Variants in PAX5 observed in about 807,000 individuals in gnomAD.
PAX5 encodes paired box 5.
In PAX5, 9 loss-of-function variants were observed where a neutral mutation model predicts 43.7. The observed-to-expected ratio is 0.21, with a 90% CI of 0.12 to 0.36. PAX5 has a LOEUF of 0.36. Among genes scored for constraint, PAX5 ranks in the 10% least tolerant of loss-of-function variants. PAX5 has a pLI of 1.00. For synonymous variants in PAX5, 228 were observed against 214.3 expected (o/e 1.06, Z -0.56); for missense variants, 383 against 532.7 (o/e 0.72, Z 2.77).
intron 5 of PAX5, among the ~76,000 whole-genome samples, chr9:36,987,768 A>G (rs59189744): frequency 0.021 from 3,146 of 152,314 alleles, 97 homozygotes; most frequent in African/African-American, 0.07. Flanking sequence ...TTGCTGGAGG[A>G]ACCATAAATT....
At chr9:36,982,272 T>TA (rs1408119214) in intron 5 of PAX5, among the ~76,000 whole-genome samples, 1 of 151,240 alleles carries the variant, frequency 6.6e-6, no homozygotes, top group Non-Finnish European at 1.5e-5. Flanking sequence ...TCAAAAAAAA[T>TA]AAAAAAATAA....
intron 7 of PAX5, among the ~76,000 whole-genome samples, chr9:36,895,750 TG>T (rs1192244215): frequency 6.6e-6 from 1 of 152,154 alleles, no homozygotes. Flanking sequence ...TGTGACAGGT[TG>T]GGGGTTTCTA....
intron 7 of PAX5, among the ~76,000 whole-genome samples, chr9:36,893,199 C>A (rs1353351169): frequency 6.6e-6 from 1 of 152,180 alleles, no homozygotes; most frequent in Non-Finnish European, 1.5e-5. Flanking sequence ...AATAATGAAC[C>A]AAGATGTATG....
chr9:36,998,248 C>T (rs1372049784), intron 5 of PAX5, among the ~76,000 whole-genome samples: 5 of 152,176 alleles, frequency 3.3e-5, no homozygotes, highest in African/African-American at 4.8e-5. Flanking sequence ...GCCATATACC[C>T]GAGTCTGGTC....
chr9:36,934,086 C>T (rs1563983657), intron 6 of PAX5, among the ~76,000 whole-genome samples: 1 of 152,224 alleles, frequency 6.6e-6, no homozygotes, highest in South Asian at 2.1e-4. Flanking sequence ...TGACAGCAAC[C>T]AGGGGAGGCA....
At chr9:36,983,489 G>A (rs1042793220) in intron 5 of PAX5, among the ~76,000 whole-genome samples, 18 of 151,912 alleles carry the variant, frequency 1.2e-4, no homozygotes, top group African/African-American at 4.4e-4. Flanking sequence ...TGTTACAATT[G>A]GGGCATTAAA....
At position 36,834,843 on chromosome 9, in the gene PAX5, A is replaced by G. The variant is rs1821530302; in HGVS notation, c.*5717T>C. ...CCAGCGGCCATAGCCACAGGGTCAC[A>G]GGGTGGGGGGCGGGGGTCAGGGCAG... is the stretch of plus-strand genomic sequence containing the variant. On this transcript the variant is annotated 3_prime_UTR_variant, in exon 10 of 10. Transcript: ENST00000358127. The G allele has an allele frequency of 7.8e-6, 1 of 128,538 alleles. No individual in the cohort carries two copies. Among genetic ancestry groups the G allele is most frequent in the Non-Finnish European group, 1.6e-5 (1 of 61,926 alleles). 8.0% of individuals were successfully genotyped at this position (128,538 alleles called of 1,614,324 possible).
chr9:36,901,182 C>A (rs1008730139), intron 7 of PAX5, among the ~76,000 whole-genome samples: 1 of 152,120 alleles, frequency 6.6e-6, no homozygotes, highest in Non-Finnish European at 1.5e-5. Flanking sequence ...GCTCCCAGCA[C>A]CTGCAAGGTC....
chr9:36,881,424 A>G (rs1188047475), intron 8 of PAX5, among the ~76,000 whole-genome samples: 4 of 152,120 alleles, frequency 2.6e-5, no homozygotes, highest in Non-Finnish European at 4.4e-5. Context: ...CCCACAATGT[A>G]AGGAGACATG....
At chr9:37,025,423 G>T (rs932264658) in intron 1 of PAX5, among the ~76,000 whole-genome samples, 27 of 151,948 alleles carry the variant, frequency 1.8e-4, no homozygotes, top group East Asian at 5.8e-4. Flanking sequence ...CTGTTGGGAT[G>T]GGGGGGAGCG....
At chr9:36,868,223 G>A (rs568300184) in intron 8 of PAX5, among the ~76,000 whole-genome samples, 8 of 152,384 alleles carry the variant, frequency 5.2e-5, no homozygotes, top group East Asian at 1.9e-4. Context: ...TACACAGTCC[G>A]ACCCTAACTT....
intron 6 of PAX5, among the ~76,000 whole-genome samples, chr9:36,928,188 G>A (rs1234359250): frequency 1.3e-5 from 2 of 152,186 alleles, no homozygotes; most frequent in African/African-American, 2.4e-5. Context: ...TGAGGTGTCC[G>A]TGATTTTTAA....
At chr9:37,006,185 G>A (rs1384404576) in intron 4 of PAX5, among the ~76,000 whole-genome samples, 1 of 148,810 alleles carries the variant, frequency 6.7e-6, no homozygotes, top group East Asian at 2.0e-4. Flanking sequence ...TTAATTATCT[G>A]ACATTCTATA....
chr9:36,842,266 C>T (rs1400730681), intron 9 of PAX5, among the ~76,000 whole-genome samples: 1 of 152,222 alleles, frequency 6.6e-6, no homozygotes, highest in East Asian at 1.9e-4. Flanking sequence ...GTCTGCAGTG[C>T]CTGCCCTTCA....
intron 6 of PAX5, among the ~76,000 whole-genome samples, chr9:36,939,826 TGA>T (rs1042749838): frequency 1.4e-5 from 2 of 148,080 alleles, no homozygotes; most frequent in African/African-American, 5.0e-5. Context: ...AGAGAGAGAG[TGA>T]GAGAGCGCTC....
At chr9:36,844,487 G>T (rs1385872071) in intron 9 of PAX5, among the ~76,000 whole-genome samples, 2 of 152,174 alleles carry the variant, frequency 1.3e-5, no homozygotes, top group Admixed American at 1.3e-4. Flanking sequence ...CATGTAAAAA[G>T]GGTTTTGGGT....
chr9:36,985,126 C>T (rs1206174047), intron 5 of PAX5, among the ~76,000 whole-genome samples: 6 of 152,174 alleles, frequency 3.9e-5, no homozygotes, highest in South Asian at 2.1e-4. Context: ...CTCTCAAACA[C>T]GCTGGGCATC....
intron 4 of PAX5, among the ~76,000 whole-genome samples, chr9:37,003,201 AT>A (rs1838089751): frequency 7.1e-6 from 1 of 141,820 alleles, no homozygotes; most frequent in South Asian, 2.2e-4. Context: ...CTCGTTAGGC[AT>A]TTCACCACCT....
chr9:37,010,671 G>T (rs999511), intron 3 of PAX5, among the ~76,000 whole-genome samples: 76,086 of 151,876 alleles, frequency 0.5, 19,959 homozygotes, highest in Middle Eastern at 0.77. Context: ...GAAAATCATG[G>T]TGCCTTGAAA....
Sources: allele counts gnomAD v4.1 joint callset (sites outside exome capture counted in the v4.1 genomes callset), GRCh38; gene constraint gnomAD v4.1.1; transcripts MANE v1.5; gene names NCBI Gene and HGNC (gene_info 2026-07-23, HGNC 2026-07-21).